MARCHF9: variants seen among roughly 807,000 people sequenced by gnomAD.
The protein encoded by MARCHF9 is E3 ubiquitin-protein ligase MARCHF9.
MARCHF9 carries 17 observed loss-of-function variants against 35.2 expected under a neutral mutation model. The ratio of observed to expected loss-of-function variants is 0.48; its 90% confidence interval spans 0.33 to 0.72. The LOEUF (loss-of-function observed/expected upper bound fraction) is 0.72, where lower values mean the gene tolerates loss of function less well. Among genes scored for constraint, MARCHF9 ranks in the 30% least tolerant of loss-of-function variants. The pLI, the probability that MARCHF9 is intolerant of heterozygous loss-of-function variation, is 0.02. For synonymous variants in MARCHF9, 183 were observed against 207.4 expected (o/e 0.88, Z 1.01); for missense variants, 386 against 478.2 (o/e 0.81, Z 1.80).
rs1207520523 is a variant in MARCHF9 at position 57,758,688 on chromosome 12, ACGG to A, written c.834_836del (p.Ala279del). 5 of 1,612,628 alleles carry A rather than the reference ACGG, an allele frequency of 3.1e-6. No homozygotes were observed. The highest frequency in any genetic ancestry group is 2.7e-5 in the African/African-American group (2 of 74,840). On this transcript the variant is annotated inframe_deletion, in exon 4 of 4. Coordinates refer to ENST00000266643, the MANE Select transcript of MARCHF9 (RefSeq NM_138396.6). The surrounding 1 kb of genome is among the most constrained non-coding windows in gnomAD (Gnocchi z 5.4). ...CATAGGAGGAGATGCAGGGGGAGGG[ACGG>A]CAGGGAAGTCAGGCCCCAGGAACTC... is the stretch of plus-strand genomic sequence containing the variant.
In MARCHF9 at chr12:57,758,474, C is replaced by A. The variant is rs2140393541; in HGVS notation, c.707-89C>A. 1 of 1,418,984 alleles carries A rather than the reference C, an allele frequency of 7.0e-7. No individual in the cohort carries two copies. 87.9% of individuals were successfully genotyped at this position (1,418,984 alleles called of 1,614,324 possible). ...TCTCCAGGGCCCTTTGCAACTGTAT[C>A]TTCTCACTCTGAAGAAATGCTTGCT... On this transcript the variant is annotated intron_variant, in intron 3 of 3. Coordinates refer to ENST00000266643, the MANE Select transcript of MARCHF9 (RefSeq NM_138396.6). This position sits in a 1 kb window ranked among gnomAD's most constrained non-coding sequence, Gnocchi z 5.4.
Position 57,756,951 on chromosome 12 carries a change from G to A in MARCHF9, c.380G>A (p.Arg127His), listed in dbSNP as rs1565808689. 1 of 1,573,888 alleles carries A rather than the reference G, an allele frequency of 6.4e-7. No individual in the cohort carries two copies. Among genetic ancestry groups the A allele is most frequent in the Admixed American group, 1.8e-5 (1 of 54,732 alleles). The change falls in exon 2 of 4, where the codon CGC becomes CAC. Residue 127 changes from arginine (R) to histidine (H), a missense_variant. Transcript: ENST00000266643. ...CAGGGGGAGCTCTTAAGCCCCTGCC[G>A]CTGCGACGGCTCAGTGCGCTGCACG... ...PEQGELLSPC[R>H]CDGSVRCTHQ...
intron 2 of MARCHF9, 64 bp downstream of exon 2, chr12:57,757,148 C>G: frequency 7.0e-7 from 1 of 1,428,368 alleles, no homozygotes; most frequent in Non-Finnish European, 9.2e-7. Context: ...ACTCAGGGAC[C>G]CTCCAGGAAG....
chr12:57,758,783 G>C lies in MARCHF9; in HGVS notation c.927G>C (p.Leu309Phe), dbSNP rs1168605865. ...PPAAQRMRTL[L>F]PQRCGYTILH... ...CTGCCCAGCGCATGCGGACGCTCTT[G>C]CCTCAGCGCTGCGGTTATACAATCT... is the stretch of plus-strand genomic sequence containing the variant. The change falls in exon 4 of 4, where the codon TTG (leucine) becomes TTC (phenylalanine). Residue 309 changes from leucine (L) to phenylalanine (F), a missense_variant. Leu to Phe is a conservative substitution (Grantham distance 22, BLOSUM62 0). Around this residue, in one of 3 missense-constraint regions of MARCHF9, gnomAD observed 111 missense variants for 112.4 expected, o/e 0.99. Coordinates refer to ENST00000266643, the MANE Select transcript of MARCHF9 (RefSeq NM_138396.6). The surrounding 1 kb of genome is among the most constrained non-coding windows in gnomAD (Gnocchi z 5.4). The C allele has an allele frequency of 1.9e-6, 3 of 1,613,430 alleles. No homozygotes were observed. Among genetic ancestry groups the C allele is most frequent in the Non-Finnish European group, 2.5e-6 (3 of 1,179,854 alleles).
chr12:57,758,607 C>T lies in MARCHF9; in HGVS notation c.751C>T (p.Arg251Cys), dbSNP rs1033699852. The T allele has an allele frequency of 5.0e-6, 8 of 1,613,688 alleles. No homozygotes were observed. The highest frequency in any genetic ancestry group is 5.9e-6 in the Non-Finnish European group (7 of 1,179,734). ...EGSSVYRIFK[R>C]WQAVNQQWKV... Reference sequence around the variant, plus strand: ...CTCCTCTGTCTACCGCATCTTCAAGCGCTGGCAGGCAGTGAACCAGCAGTG... The same window carrying T: ...CTCCTCTGTCTACCGCATCTTCAAGTGCTGGCAGGCAGTGAACCAGCAGTG... The change falls in exon 4 of 4, where the codon CGC becomes TGC. Residue 251 changes from arginine (R) to cysteine (C), a missense_variant. Arg to Cys is a radical substitution (Grantham distance 180). Transcript: ENST00000266643. This position sits in a 1 kb window ranked among gnomAD's most constrained non-coding sequence, Gnocchi z 5.4.
rs1247052118 is a variant in MARCHF9 at position 57,758,426 on chromosome 12, C to A, written c.706+126C>A. 4 of 1,316,490 alleles carry A rather than the reference C, an allele frequency of 3.0e-6. No individual in the cohort carries two copies. Among genetic ancestry groups the A allele is most frequent in the Non-Finnish European group, 4.1e-6 (4 of 973,136 alleles). The allele number at this position is 1,316,490 out of a possible 1,614,324, so 81.6% of individuals were successfully genotyped here. On this transcript the variant is annotated intron_variant, in intron 3 of 3. Transcript: ENST00000266643. The surrounding 1 kb of genome is among the most constrained non-coding windows in gnomAD (Gnocchi z 5.4). Reference sequence around the variant, plus strand: ...TGTAGCCTTTAGTGCTATCCTGGTGCCCCCTCAACCCACTTCCCTGCTTCT... The same window carrying A: ...TGTAGCCTTTAGTGCTATCCTGGTGACCCCTCAACCCACTTCCCTGCTTCT...
chr12:57,758,328 G>C lies in MARCHF9; in HGVS notation c.706+28G>C, dbSNP rs1211613574. 1 of 1,589,258 alleles carries C rather than the reference G, an allele frequency of 6.3e-7. No individual in the cohort carries two copies. On this transcript the variant is annotated intron_variant, in intron 3 of 3. Coordinates refer to ENST00000266643, the MANE Select transcript of MARCHF9 (RefSeq NM_138396.6). The surrounding 1 kb of genome is among the most constrained non-coding windows in gnomAD (Gnocchi z 5.4). ...GAGGGCACCTCTCTCTCCTTTACCTGCTCTGTATCTTCCTCTTACACACCT... is the reference window on the plus strand; with the variant it reads ...GAGGGCACCTCTCTCTCCTTTACCTCCTCTGTATCTTCCTCTTACACACCT...
rs565447424 is a variant in MARCHF9, at chr12:57,759,305, G to A, written c.*408G>A. 1.1e-5 allele frequency: 2 copies of A among 188,562 alleles called. No homozygotes were observed. The highest frequency in any genetic ancestry group is 2.5e-4 in the South Asian group (2 of 7,932). The allele number at this position is 188,562 out of a possible 1,614,324, so 11.7% of individuals were successfully genotyped here. On this transcript the variant is annotated 3_prime_UTR_variant, in exon 4 of 4. Transcript: ENST00000266643. ...CCCACCCCATGGCCACAGGGCATCTGGCAATAAGACTAGTATACATTGACC... is the reference window on the plus strand; with the variant it reads ...CCCACCCCATGGCCACAGGGCATCTAGCAATAAGACTAGTATACATTGACC...
Position 57,758,810 on chromosome 12 carries a change from GC to G in MARCHF9, c.955del (p.His319ThrfsTer23). The G allele has an allele frequency of 6.2e-7, 1 of 1,613,086 alleles. No individual in the cohort carries two copies. The highest frequency in any genetic ancestry group is 8.5e-7 in the Non-Finnish European group (1 of 1,179,812). ...LPQRCGYTILHLLGQLRPPDA... is the reference protein window; with the variant it reads ...LPQRCGYTILXLLGQLRPPDA... ...CTCAGCGCTGCGGTTATACAATCTT[GC>G]ACCTCCTTGGGCAGCTGCGGCCACC... is the stretch of plus-strand genomic sequence containing the variant. On this transcript the variant is annotated frameshift_variant, in exon 4 of 4. Coordinates refer to ENST00000266643, the MANE Select transcript of MARCHF9 (RefSeq NM_138396.6). LOFTEE classifies it high-confidence loss of function. This position sits in a 1 kb window ranked among gnomAD's most constrained non-coding sequence, Gnocchi z 5.4.
Position 57,758,866 on chromosome 12 carries a change from G to A in MARCHF9, c.1010G>A (p.Arg337Gln), listed in dbSNP as rs1437102996. 8 of 1,605,596 alleles carry A rather than the reference G, an allele frequency of 5.0e-6. No homozygotes were observed. The highest frequency in any genetic ancestry group is 3.3e-5 in the South Asian group (3 of 90,548). Residue 337 changes from arginine (R) to glutamine (Q), a missense_variant, in exon 4 of 4, where the codon CGA (arginine) becomes CAA (glutamine). By Grantham distance (43) the Arg-to-Gln change is conservative (BLOSUM62 1). Coordinates refer to ENST00000266643, the MANE Select transcript of MARCHF9 (RefSeq NM_138396.6). This position sits in a 1 kb window ranked among gnomAD's most constrained non-coding sequence, Gnocchi z 5.4. ...GCCCGTTCCAGCTCCCATTCTGGCC[G>A]AGAGGTTGTCATGAGGGTCACTACA... is the stretch of plus-strand genomic sequence containing the variant. ...PDARSSSHSGREVVMRVTTV is the reference protein window; with the variant it reads ...PDARSSSHSGQEVVMRVTTV
rs1294400732 is a variant in MARCHF9, at chr12:57,760,264, T to C, written c.*1367T>C. 3 of 152,206 alleles carry C rather than the reference T, an allele frequency of 2.0e-5. No homozygotes were observed. Among genetic ancestry groups the C allele is most frequent in the Admixed American group, 2.0e-4 (3 of 15,278 alleles). The allele number at this position is 152,206 out of a possible 1,614,324, so 9.4% of individuals were successfully genotyped here. On this transcript the variant is annotated 3_prime_UTR_variant, in exon 4 of 4. Coordinates refer to ENST00000266643, the MANE Select transcript of MARCHF9 (RefSeq NM_138396.6). ...GGACTGTTGTTTATAGAGAAAAGAT[T>C]TGGGAAGGACTGTTTACAATGTGGG...
rs571245023 is a variant in MARCHF9 at position 57,758,006 on chromosome 12, G to A, written c.514-102G>A. On this transcript the variant is annotated intron_variant, in intron 2 of 3. Transcript: ENST00000266643. The surrounding 1 kb of genome is among the most constrained non-coding windows in gnomAD (Gnocchi z 5.4). ...AAGACAGATGTTGATCCTGCCTGAAGGTTTTAGGGAAGGTTCCTGGAGCAC... is the reference window on the plus strand; with the variant it reads ...AAGACAGATGTTGATCCTGCCTGAAAGTTTTAGGGAAGGTTCCTGGAGCAC... The A allele has an allele frequency of 5.0e-6, 6 of 1,194,926 alleles. No homozygotes were observed. The African/African-American group carries it at 6.0e-5, about 12-fold the overall frequency. 74.0% of individuals were successfully genotyped at this position (1,194,926 alleles called of 1,614,324 possible). A position where few individuals can be genotyped will look rare whatever the true frequency, so the allele number is the denominator to read the frequency against.
rs1260164061 is a variant in MARCHF9 at position 57,758,267 on chromosome 12, G to A, written c.673G>A (p.Gly225Ser). ...RQDLLFQICYGMYGFMDVVCI... is the reference protein window; with the variant it reads ...RQDLLFQICYSMYGFMDVVCI... ...GGATCTGCTCTTTCAGATCTGCTAC[G>A]GCATGTATGGCTTCATGGATGTCGT... Residue 225 changes from glycine (G) to serine (S), a missense_variant, in exon 3 of 4, where the codon GGC (glycine) becomes AGC (serine). Gly to Ser is a moderately conservative substitution (Grantham distance 56). Coordinates refer to ENST00000266643, the MANE Select transcript of MARCHF9 (RefSeq NM_138396.6). The surrounding 1 kb of genome is among the most constrained non-coding windows in gnomAD (Gnocchi z 5.4). The A allele has an allele frequency of 5.0e-6, 8 of 1,612,160 alleles. No individual in the cohort carries two copies. The highest frequency in any genetic ancestry group is 4.5e-5 in the East Asian group (2 of 44,818).
Position 57,755,878 on chromosome 12 carries a change from C to T in MARCHF9, c.350C>T (p.Pro117Leu). ...CAGTGCCGGATCTGCTTCCAGGGCC[C>T]GGAGCAGGTCAGGCCTGGGCACCTG... Reference protein sequence around the residue: ...TPQCRICFQGPEQGELLSPCR... With the variant: ...TPQCRICFQGLEQGELLSPCR... Residue 117 changes from proline (P) to leucine (L), a missense_variant, in exon 1 of 4, where the codon CCG becomes CTG. Coordinates refer to ENST00000266643, the MANE Select transcript of MARCHF9 (RefSeq NM_138396.6). 1.3e-6 allele frequency: 2 copies of T among 1,521,402 alleles called. No individual in the cohort carries two copies. 94.2% of individuals were successfully genotyped at this position (1,521,402 alleles called of 1,614,324 possible).
chr12:57,757,306 C>G, intron 2 of MARCHF9: 1 of 388,078 alleles, frequency 2.6e-6, no homozygotes, highest in Non-Finnish European at 4.5e-6. Flanking sequence ...GTTCTAGGCA[C>G]TGGGACAATC....
At chr12:57,756,292 G>C (rs1955287588) in intron 1 of MARCHF9, among the ~76,000 whole-genome samples, 1 of 152,114 alleles carries the variant, frequency 6.6e-6, no homozygotes, top group Admixed American at 6.6e-5. Flanking sequence ...TCTCCCCGTG[G>C]GGCACTTTTT....
intron 1 of MARCHF9, 117 bp from the exon 2 acceptor site, chr12:57,756,812 C>A: frequency 8.8e-7 from 1 of 1,135,778 alleles, no homozygotes; most frequent in Non-Finnish European, 1.2e-6. Context: ...GGGTGAAAGG[C>A]CTGAGTTATT....
intron 2 of MARCHF9, 90 bp downstream of exon 2, chr12:57,757,174 C>A: frequency 7.2e-7 from 1 of 1,389,004 alleles, no homozygotes; most frequent in South Asian, 1.6e-5. Flanking sequence ...TTCATTTACT[C>A]TTTTCCCAAA....
In MARCHF9 at chr12:57,759,372, T is replaced by TC. The variant is rs1202176721; in HGVS notation, c.*480dup. 2.6e-5 allele frequency: 4 copies of TC among 154,946 alleles called. No homozygotes were observed. The highest frequency in any genetic ancestry group is 1.9e-4 in the East Asian group (1 of 5,240). The allele number at this position is 154,946 out of a possible 1,614,324, so 9.6% of individuals were successfully genotyped here. On this transcript the variant is annotated 3_prime_UTR_variant, in exon 4 of 4. Transcript: ENST00000266643. ...AGGGCGGGGAGTTCCCCCTGCTCCA[T>TC]CCCCCATTGCATGGGGGAAGGGCAT...
Sources: allele counts gnomAD v4.1 joint callset (sites outside exome capture counted in the v4.1 genomes callset), GRCh38; gene constraint gnomAD v4.1.1; regional missense constraint gnomAD v4.1.1; non-coding constraint Gnocchi (gnomAD v3.1); transcripts MANE v1.5; gene names NCBI Gene and HGNC (gene_info 2026-07-23, HGNC 2026-07-21).